The following ATXN3 variants were observed in gnomAD, a reference collection of about 807,000 sequenced individuals.
ATXN3 encodes the protein ataxin-3.
ATXN3 carries 28 observed loss-of-function variants against 58.2 expected under a neutral mutation model. That is an observed-to-expected ratio of 0.48 (90% CI 0.36 to 0.66). ATXN3 has a LOEUF of 0.66. Ranked by LOEUF, ATXN3 falls within the 30% of genes least tolerant of loss-of-function variation. The pLI is 0.00. For missense variants in ATXN3, 321 were observed against 422.1 expected (o/e 0.76, Z 2.10); for synonymous variants, 113 against 138.5 (o/e 0.82, Z 1.29).
At chr14:92,083,087 A>G in intron 7 of ATXN3, 39 bp downstream of exon 7, 1 of 1,565,924 alleles carries the variant, frequency 6.4e-7, no homozygotes, top group Non-Finnish European at 8.6e-7. Context: ...TCATAATGAA[A>G]TACTACCATA....
intron 1 of ATXN3, among the ~76,000 whole-genome samples, chr14:92,105,847 G>A (rs184614940): frequency 2.0e-5 from 3 of 152,310 alleles, no homozygotes; most frequent in African/African-American, 4.8e-5. Flanking sequence ...CGCCTGCTCC[G>A]GAAAGATGGG....
At chr14:92,085,615 G>T (rs554174637) in intron 6 of ATXN3, among the ~76,000 whole-genome samples, 1 of 152,168 alleles carries the variant, frequency 6.6e-6, no homozygotes, top group Non-Finnish European at 1.5e-5. Flanking sequence ...TAATATATAG[G>T]AACCAGAGTA....
chr14:92,070,670 A>G, intron 10 of ATXN3: 1 of 879,856 alleles, frequency 1.1e-6, no homozygotes, highest in Admixed American at 3.0e-5. Context: ...AGTATTCATT[A>G]AATGTTCTAG....
At chr14:92,044,837 G>A (rs993783078) in exon 3 of ATXN3, 1 of 152,170 alleles carries the variant, frequency 6.6e-6, no homozygotes, top group African/African-American at 2.4e-5. Flanking sequence ...GCAGGCGGAC[G>A]GCAGTTGGGG....
At chr14:92,071,127 T>G (rs1480304209) in intron 9 of ATXN3, 74 bp from the exon 10 acceptor site, 2 of 1,518,448 alleles carry the variant, frequency 1.3e-6, no homozygotes, top group African/African-American at 2.8e-5. Context: ...GAAAAACTAT[T>G]CATAAGGAAA....
chr14:92,088,298 C>T (rs1005757879), intron 6 of ATXN3, among the ~76,000 whole-genome samples: 9 of 152,068 alleles, frequency 5.9e-5, no homozygotes, highest in African/African-American at 2.2e-4. Context: ...TCTCGATCTC[C>T]TGACATCGTG....
chr14:92,077,934 A>C (rs1012226318), intron 9 of ATXN3, among the ~76,000 whole-genome samples: 2 of 150,734 alleles, frequency 1.3e-5, no homozygotes, highest in African/African-American at 4.9e-5. Flanking sequence ...GACATGAGCC[A>C]CTACGCCTGG....
Position 92,082,444 on chromosome 14 carries a change from G to C in ATXN3, c.631C>G (p.Arg211Gly), listed in dbSNP as rs2061627267. ...GAGCCATCATTTGCTTCTAACACTC[G>C]TTCCAGGTCTGTTTTATGGACTCTA... ...EQRVHKTDLE[R>G]VLEANDGSGM... Residue 211 changes from arginine (R) to glycine (G), a missense_variant, in exon 8 of 11, where the codon CGA (arginine) becomes GGA (glycine). Physicochemically the swap from Arg to Gly is moderately radical, Grantham distance 125. Coordinates refer to ENST00000644486, the MANE Select transcript of ATXN3 (RefSeq NM_004993.6). 6.2e-7 allele frequency: 1 copy of C among 1,613,798 alleles called. No homozygotes were observed. The highest frequency in any genetic ancestry group is 8.5e-7 in the Non-Finnish European group (1 of 1,179,882).
In ATXN3 at chr14:92,081,097, C is replaced by T. The variant is rs2061377319; in HGVS notation, c.776-36G>A. 4 of 1,356,038 alleles carry T rather than the reference C, an allele frequency of 2.9e-6. No homozygotes were observed. The South Asian group carries it at 3.5e-5, about 12-fold the overall frequency. The allele number at this position is 1,356,038 out of a possible 1,614,324, so 84.0% of individuals were successfully genotyped here. ...AACACAACACAACAAAAACCAATCA[C>T]TGTATTTACCAATTCAAGCAACAAT... On this transcript the variant is annotated intron_variant, in intron 8 of 10. Transcript: ENST00000644486.
intron 6 of ATXN3, chr14:92,083,470 A>T (rs1221080733): frequency 1.5e-6 from 1 of 663,388 alleles, no homozygotes; most frequent in South Asian, 1.5e-5. Context: ...CACTTTCTCC[A>T]TTGTAAGACT....
chr14:92,085,094 TG>T (rs1183686506), intron 6 of ATXN3, among the ~76,000 whole-genome samples: 5 of 152,134 alleles, frequency 3.3e-5, no homozygotes, highest in African/African-American at 7.2e-5. Flanking sequence ...CAGCTCACCA[TG>T]GTATTCTATG....
intron 6 of ATXN3, 136 bp downstream of exon 6, chr14:92,088,594 C>T: frequency 2.9e-6 from 2 of 698,222 alleles, no homozygotes; most frequent in Admixed American, 2.2e-5. Flanking sequence ...CAAATCACAG[C>T]CTATCACCAC....
intron 10 of ATXN3, among the ~76,000 whole-genome samples, chr14:92,068,969 C>CT (rs2058933945): frequency 6.6e-6 from 1 of 152,170 alleles, no homozygotes; most frequent in South Asian, 2.1e-4. Context: ...CAGTTCATTC[C>CT]TTTTTTTATT....
upstream of ATXN3, among the ~76,000 whole-genome samples, chr14:92,053,017 C>T (rs990060205): frequency 2.0e-4 from 31 of 152,122 alleles, no homozygotes; most frequent in African/African-American, 4.8e-4. Flanking sequence ...TTTGGGAGGC[C>T]GAGGCAGGCA....
intron 6 of ATXN3, among the ~76,000 whole-genome samples, chr14:92,084,720 C>T (rs1182901847): frequency 1.3e-5 from 2 of 151,846 alleles, no homozygotes; most frequent in African/African-American, 4.8e-5. Context: ...GCTGGGATTA[C>T]AGGCACCCAC....
chr14:92,098,898 G>T (rs2066041460), intron 1 of ATXN3, among the ~76,000 whole-genome samples: 1 of 152,140 alleles, frequency 6.6e-6, no homozygotes, highest in Admixed American at 6.6e-5. Context: ...TGGGTTCAGG[G>T]CCTTCAGGTG....
chr14:92,100,494 T>C (rs942837509), intron 1 of ATXN3, among the ~76,000 whole-genome samples: 2 of 151,942 alleles, frequency 1.3e-5, no homozygotes, highest in African/African-American at 4.8e-5. Flanking sequence ...CACAAAAGAA[T>C]ACTAGATAAC....
At chr14:92,087,892 AAG>A (rs1209744028) in intron 6 of ATXN3, among the ~76,000 whole-genome samples, 1 of 152,196 alleles carries the variant, frequency 6.6e-6, no homozygotes, top group African/African-American at 2.4e-5. Flanking sequence ...TTTTGAAACT[AAG>A]AGGCAGGTAC....
At chr14:92,081,976 T>A (rs938504726) in intron 8 of ATXN3, among the ~76,000 whole-genome samples, 1 of 152,230 alleles carries the variant, frequency 6.6e-6, no homozygotes, top group Non-Finnish European at 1.5e-5. Flanking sequence ...TAGTGTCTAA[T>A]GGCACATATT....
Sources: gnomAD v4.1 joint callset for allele counts (sites outside exome capture counted in the v4.1 genomes callset) on GRCh38, gnomAD v4.1.1 for gene constraint, MANE v1.5 for transcripts, NCBI Gene and HGNC (gene_info 2026-07-23, HGNC 2026-07-21) for gene names.